NAALADL2: variants seen among roughly 807,000 people sequenced by gnomAD.
NAALADL2 encodes N-acetylated alpha-linked acidic dipeptidase like 2.
A neutral mutation model predicts 87.2 loss-of-function variants in NAALADL2; 76 were observed. The observed-to-expected ratio is 0.87, with a 90% CI of 0.72 to 1.05. NAALADL2 has a LOEUF of 1.05. NAALADL2 is among the 50% of genes least tolerant of loss of function. The pLI, the probability that NAALADL2 is intolerant of heterozygous loss-of-function variation, is 0.00. For missense variants in NAALADL2, 1,089 were observed against 945.8 expected, an observed-to-expected ratio of 1.15 and a Z score of -1.99; for synonymous variants, 354 against 331.0, an observed-to-expected ratio of 1.07 and a Z score of -0.75.
chr3:174,536,884 T>C (rs1029289560), intron 1 of NAALADL2, among the ~76,000 whole-genome samples: 3 of 152,158 alleles, frequency 2.0e-5, no homozygotes, highest in African/African-American at 7.2e-5. Context: ...TATTTCACAT[T>C]CTCTTCCCCA....
At chr3:174,673,286 A>T (rs186014378) in intron 2 of NAALADL2, among the ~76,000 whole-genome samples, 223 of 152,182 alleles carry the variant, frequency 1.5e-3, no homozygotes, top group Non-Finnish European at 1.9e-3. Flanking sequence ...TGATGTAACT[A>T]TAATAAAAAT....
rs570196224 is a variant in NAALADL2, at chr3:175,115,089, C to A, written c.545+17798C>A. On this transcript the variant is annotated intron_variant, in intron 2 of 13. Coordinates refer to ENST00000454872, the MANE Select transcript of NAALADL2 (RefSeq NM_207015.3). ...GTCACAGACTAAATGATAAAATATG[C>A]CTATCAACCTACTTAACCTGTCATA... 1.9e-4 allele frequency: 29 copies of A among 151,628 alleles called. No homozygotes were observed. The South Asian group carries it at 5.8e-3, about 30-fold the overall frequency. 9.4% of individuals were successfully genotyped at this position (151,628 alleles called of 1,614,324 possible). A position where few individuals can be genotyped will look rare whatever the true frequency, so the allele number is the denominator to read the frequency against.
At chr3:175,629,037 T>A (rs922693298) in intron 11 of NAALADL2, among the ~76,000 whole-genome samples, 1 of 150,588 alleles carries the variant, frequency 6.6e-6, no homozygotes, top group African/African-American at 2.4e-5. Context: ...TTGATCATAT[T>A]TTTTTGTATA....
chr3:175,747,176 A>T (rs1314631926), intron 12 of NAALADL2, among the ~76,000 whole-genome samples: 1 of 152,046 alleles, frequency 6.6e-6, no homozygotes, highest in Non-Finnish European at 1.5e-5. Context: ...ATTATCACCT[A>T]ATGTCCCTTA....
At chr3:174,445,674 A>G (rs1577928666) in intron 1 of NAALADL2, among the ~76,000 whole-genome samples, 1 of 152,282 alleles carries the variant, frequency 6.6e-6, no homozygotes, top group East Asian at 1.9e-4. Flanking sequence ...ATGTAACTAT[A>G]AAGTTGATGT....
intron 2 of NAALADL2, among the ~76,000 whole-genome samples, chr3:174,567,663 A>G (rs1324561257): frequency 6.6e-6 from 1 of 151,702 alleles, no homozygotes; most frequent in Admixed American, 6.6e-5. Context: ...TTCCTTTTAA[A>G]AATAGATAAG....
intron 1 of NAALADL2, among the ~76,000 whole-genome samples, chr3:174,520,577 A>G (rs1178663945): frequency 6.6e-6 from 1 of 152,238 alleles, no homozygotes; most frequent in East Asian, 1.9e-4. Flanking sequence ...AAAGACTTAA[A>G]TGTAAAACCT....
At chr3:174,966,507 TGA>T (rs1742894870) in intron 1 of NAALADL2, among the ~76,000 whole-genome samples, 1 of 152,126 alleles carries the variant, frequency 6.6e-6, no homozygotes, top group Admixed American at 6.6e-5. Flanking sequence ...CTGATGGGTA[TGA>T]GAGATATAAG....
intron 1 of NAALADL2, among the ~76,000 whole-genome samples, chr3:175,062,911 C>T (rs910782033): frequency 3.9e-5 from 6 of 152,090 alleles, no homozygotes; most frequent in Admixed American, 6.6e-5. Flanking sequence ...AACTCCCCTT[C>T]CTATTTCACT....
intron 4 of NAALADL2, among the ~76,000 whole-genome samples, chr3:175,264,217 A>C (rs955963230): frequency 2.0e-5 from 3 of 151,874 alleles, no homozygotes; most frequent in Non-Finnish European, 4.4e-5. Context: ...CACTAAAGTC[A>C]CACAAGTTTT....
chr3:175,117,739 C>T (rs1385960237), intron 2 of NAALADL2, among the ~76,000 whole-genome samples: 1 of 151,946 alleles, frequency 6.6e-6, no homozygotes, highest in Non-Finnish European at 1.5e-5. Flanking sequence ...CTAGAAATAC[C>T]ATTTGACCCA....
At chr3:174,627,256 T>C (rs144236925) in intron 2 of NAALADL2, among the ~76,000 whole-genome samples, 1 of 152,296 alleles carries the variant, frequency 6.6e-6, no homozygotes, top group African/African-American at 2.4e-5. Flanking sequence ...CCTTTACTCC[T>C]TAAGTCTTTG....
chr3:175,447,036 T>C (rs1380757890), intron 5 of NAALADL2, among the ~76,000 whole-genome samples, 193 bp from the exon 6 acceptor site: 1 of 152,198 alleles, frequency 6.6e-6, no homozygotes, highest in African/African-American at 2.4e-5. Flanking sequence ...TGTCATTATA[T>C]TTGGACTAAA....
intron 1 of NAALADL2, among the ~76,000 whole-genome samples, chr3:174,919,942 G>A (rs576560792): frequency 6.6e-6 from 1 of 152,128 alleles, no homozygotes; most frequent in Non-Finnish European, 1.5e-5. Flanking sequence ...GTGACCAGAT[G>A]CATCGTCAAT....
intron 2 of NAALADL2, among the ~76,000 whole-genome samples, chr3:174,568,164 A>T (rs926306332): frequency 6.6e-6 from 1 of 151,886 alleles, no homozygotes; most frequent in Non-Finnish European, 1.5e-5. Context: ...CAGACATACT[A>T]ATCTATTTTT....
In NAALADL2 at chr3:174,663,634, C is replaced by T. The variant is rs552317486; in HGVS notation, c.-114-74007C>T. The stretch of plus-strand genomic sequence containing the variant: ...CCTGAGATAATAGCTCCAAGCCATT[C>T]GTGAGGTATCTGCCCTCATGACCTA... On this transcript the variant is annotated intron_variant, in intron 2 of 3. Coordinates refer to the NAALADL2 transcript ENST00000434257. 6.6e-5 allele frequency among the ~76,000 whole-genome samples: 10 copies of T among 152,172 alleles called. No homozygotes were observed. In the South Asian group the frequency reaches 1.9e-3, roughly 28 times the overall value.
At chr3:175,732,907 G>T (rs762610570) in intron 11 of NAALADL2, among the ~76,000 whole-genome samples, 1 of 142,418 alleles carries the variant, frequency 7.0e-6, no homozygotes, top group Non-Finnish European at 1.5e-5. Flanking sequence ...CTGTCGGGGG[G>T]TAGGGTGGTG....
At chr3:175,650,201 A>G (rs1730574671) in intron 11 of NAALADL2, among the ~76,000 whole-genome samples, 1 of 152,192 alleles carries the variant, frequency 6.6e-6, no homozygotes, top group African/African-American at 2.4e-5. Flanking sequence ...TATGCTAAGT[A>G]AAAGAAACCA....
At chr3:175,246,395 C>A (rs1747981351) in intron 3 of NAALADL2, among the ~76,000 whole-genome samples, 1 of 152,148 alleles carries the variant, frequency 6.6e-6, no homozygotes, top group Non-Finnish European at 1.5e-5. Context: ...TCTAAGCAGG[C>A]TTTTCAAACA....
Sources: allele counts gnomAD v4.1 joint callset (sites outside exome capture counted in the v4.1 genomes callset), GRCh38; gene constraint gnomAD v4.1.1; transcripts MANE v1.5; gene names NCBI Gene and HGNC (gene_info 2026-07-23, HGNC 2026-07-21).